The following ADAMTS12 variants were observed in gnomAD, a reference collection of about 807,000 sequenced individuals.
ADAMTS12 encodes the protein A disintegrin and metalloproteinase with thrombospondin motifs 12.
In ADAMTS12, 118 loss-of-function variants were observed where a neutral mutation model predicts 167.8. The ratio of observed to expected loss-of-function variants is 0.70; its 90% CI spans 0.61 to 0.82. The LOEUF (loss-of-function observed/expected upper bound fraction) is 0.82. Among genes scored for constraint, ADAMTS12 ranks in the 40% least tolerant of loss-of-function variants. The pLI, the probability that ADAMTS12 is intolerant of heterozygous loss-of-function variation, is 0.00. For synonymous variants in ADAMTS12, 704 were observed against 716.9 expected (o/e 0.98, Z 0.29); for missense variants, 1,916 against 1,998.8 (o/e 0.96, Z 0.79).
At chr5:33,651,325 C>A (rs79897241) in intron 7 of ADAMTS12, among the ~76,000 whole-genome samples, 4 of 152,264 alleles carry the variant, frequency 2.6e-5, no homozygotes, top group Non-Finnish European at 5.9e-5. Context: ...TAATCTAGGG[C>A]CCTCACAAAT....
At chr5:33,803,110 C>T (rs1747073195) in intron 2 of ADAMTS12, among the ~76,000 whole-genome samples, 1 of 150,524 alleles carries the variant, frequency 6.6e-6, no homozygotes, top group Non-Finnish European at 1.5e-5. Context: ...GGAAAAGACT[C>T]ATACATGATA....
At chr5:33,859,195 G>T (rs955471459) in intron 2 of ADAMTS12, among the ~76,000 whole-genome samples, 4 of 152,224 alleles carry the variant, frequency 2.6e-5, no homozygotes, top group South Asian at 4.1e-4. Flanking sequence ...TAAAGCCAGG[G>T]AGCCAAGTGG....
At chr5:33,547,344 G>T (rs1745033920) in intron 21 of ADAMTS12, among the ~76,000 whole-genome samples, 1 of 151,984 alleles carries the variant, frequency 6.6e-6, no homozygotes, top group African/African-American at 2.4e-5. Flanking sequence ...CCATTCTCGG[G>T]GTGGGACCTA....
chr5:33,810,121 T>G (rs1747398275), intron 2 of ADAMTS12, among the ~76,000 whole-genome samples: 1 of 151,888 alleles, frequency 6.6e-6, no homozygotes, highest in Non-Finnish European at 1.5e-5. Context: ...CAAATACTCC[T>G]CCCTGAAAGC....
At chr5:33,690,828 CCA>C (rs1742523415) in intron 3 of ADAMTS12, among the ~76,000 whole-genome samples, 1 of 152,116 alleles carries the variant, frequency 6.6e-6, no homozygotes, top group Non-Finnish European at 1.5e-5. Flanking sequence ...CGGTCTGACC[CCA>C]CACACTTTTT....
chr5:33,672,074 C>A (rs1273522747), intron 5 of ADAMTS12, among the ~76,000 whole-genome samples: 1 of 35,556 alleles, frequency 2.8e-5, no homozygotes, highest in Non-Finnish European at 7.8e-5. Flanking sequence ...CATACAAACC[C>A]ACATACATAC....
At chr5:33,649,988 T>C (rs1369862242) in intron 7 of ADAMTS12, among the ~76,000 whole-genome samples, 1 of 152,208 alleles carries the variant, frequency 6.6e-6, no homozygotes, top group Non-Finnish European at 1.5e-5. Context: ...TGGCTTTCTT[T>C]CTATGAATCA....
At chr5:33,785,469 GTGTT>G (rs750858583) in intron 2 of ADAMTS12, among the ~76,000 whole-genome samples, 16 of 152,274 alleles carry the variant, frequency 1.1e-4, no homozygotes, top group Middle Eastern at 3.4e-3. Context: ...GTGTACGTGT[GTGTT>G]TGTGTGTGTG....
intron 9 of ADAMTS12, among the ~76,000 whole-genome samples, chr5:33,645,811 A>C (rs10072013): frequency 0.71 from 108,517 of 151,988 alleles, 40,344 homozygotes; most frequent in Non-Finnish European, 0.83. Context: ...ATAAAGAGAT[A>C]TGAAGTCTTC....
In ADAMTS12 at chr5:33,577,036, G is replaced by A; in HGVS notation, c.2990C>T (p.Pro997Leu). 6.2e-7 allele frequency: 1 copy of A among 1,614,224 alleles called. No homozygotes were observed. Among genetic ancestry groups the A allele is most frequent in the Non-Finnish European group, 8.5e-7 (1 of 1,180,028 alleles). The part of the protein sequence containing the change: ...SRALCGLQQC[P>L]SSRRVLKPNK... ...TGGTTTCAGAACTCTCCGGCTAGAA[G>A]GGCATTGCTGGAGGCCACACAGAGC... is the stretch of plus-strand genomic sequence containing the variant. Residue 997 changes from proline (P) to leucine (L), a missense_variant, in exon 19 of 24, where the codon CCT becomes CTT. Transcript: ENST00000504830.
intron 2 of ADAMTS12, among the ~76,000 whole-genome samples, chr5:33,834,157 T>C (rs1020580801): frequency 1.3e-5 from 2 of 152,176 alleles, no homozygotes; most frequent in African/African-American, 4.8e-5. Flanking sequence ...ACAGCAGTCA[T>C]ATTGGATTAA....
chr5:33,870,907 A>G (rs1212554658), intron 2 of ADAMTS12, among the ~76,000 whole-genome samples: 1 of 152,206 alleles, frequency 6.6e-6, no homozygotes, highest in African/African-American at 2.4e-5. Flanking sequence ...AGGTATCCTC[A>G]ATCATGCTTC....
In ADAMTS12 at chr5:33,660,744, TC is replaced by T. The variant is rs2112216054; in HGVS notation, c.1040+1171del. Among the ~76,000 whole-genome samples the T allele has an allele frequency of 2.0e-5, 3 of 152,216 alleles. No homozygotes were observed. In the South Asian group the frequency reaches 6.2e-4, roughly 32 times the overall value. On this transcript the variant is annotated intron_variant, in intron 6 of 23. Coordinates refer to ENST00000504830, the MANE Select transcript of ADAMTS12 (RefSeq NM_030955.4). ...GCTTACATTCCACACCCATGCTATT[TC>T]CCAGGGGACCTATTGATCAACCCAA...
chr5:33,560,666 C>T (rs183231812), intron 20 of ADAMTS12, among the ~76,000 whole-genome samples: 40 of 149,086 alleles, frequency 2.7e-4, no homozygotes, highest in African/African-American at 8.9e-4. Flanking sequence ...CAAACTATCA[C>T]AAGGAAAAAA....
intron 7 of ADAMTS12, among the ~76,000 whole-genome samples, chr5:33,655,601 G>A (rs1425561792): frequency 3.0e-5 from 2 of 66,168 alleles, no homozygotes; most frequent in African/African-American, 4.1e-5. Context: ...TTGTCTCGGG[G>A]TTGACTTTTT....
At chr5:33,695,224 G>A (rs1404569290) in intron 3 of ADAMTS12, among the ~76,000 whole-genome samples, 1 of 152,176 alleles carries the variant, frequency 6.6e-6, no homozygotes, top group Non-Finnish European at 1.5e-5. Context: ...ATTAGGGAGA[G>A]CCTTGTCTTT....
chr5:33,574,368 T>G (rs868775388), intron 19 of ADAMTS12, among the ~76,000 whole-genome samples: 18 of 151,752 alleles, frequency 1.2e-4, no homozygotes. Context: ...CAATGATAGA[T>G]CGGATTAAGA....
intron 2 of ADAMTS12, among the ~76,000 whole-genome samples, chr5:33,864,776 G>A (rs567253402): frequency 4.3e-4 from 66 of 152,280 alleles, no homozygotes; most frequent in South Asian, 1.7e-3. Flanking sequence ...ACTCTTAAGT[G>A]GGAGCTGAAC....
At chr5:33,544,478 C>A (rs1744863896) in intron 22 of ADAMTS12, among the ~76,000 whole-genome samples, 1 of 152,118 alleles carries the variant, frequency 6.6e-6, no homozygotes, top group Non-Finnish European at 1.5e-5. Context: ...ATCAAGCTAC[C>A]AATGACTTTC....
Sources: gnomAD v4.1 joint callset for allele counts (sites outside exome capture counted in the v4.1 genomes callset) on GRCh38, gnomAD v4.1.1 for gene constraint, MANE v1.5 for transcripts, NCBI Gene and HGNC (gene_info 2026-07-23, HGNC 2026-07-21) for gene names.